Variants in CDH17 observed in about 807,000 individuals in gnomAD.
CDH17 encodes cadherin 17.
Under a neutral mutation model 86.3 loss-of-function variants are expected in CDH17, and 67 were observed. The observed-to-expected ratio is 0.78, with a 90% CI of 0.64 to 0.95. The LOEUF (loss-of-function observed/expected upper bound fraction) is 0.95. Among genes scored for constraint, CDH17 ranks in the 40% least tolerant of loss-of-function variants. The pLI is 0.00. For missense variants in CDH17, 993 were observed against 1,017.6 expected (o/e 0.98, Z 0.33); for synonymous variants, 367 against 366.4 (o/e 1.00, Z -0.02).
At chr8:94,131,941 C>G (rs1812429561) in intron 15 of CDH17, among the ~76,000 whole-genome samples, 1 of 151,988 alleles carries the variant, frequency 6.6e-6, no homozygotes, top group South Asian at 2.1e-4. Context: ...GGTGTTATGT[C>G]CTTGTGATAG....
intron 13 of CDH17, among the ~76,000 whole-genome samples, chr8:94,149,093 A>C (rs1812809912): frequency 6.6e-6 from 1 of 152,160 alleles, no homozygotes; most frequent in Non-Finnish European, 1.5e-5. Context: ...CTTTATTTGC[A>C]TTTCATCTGT....
At chr8:94,195,461 C>T (rs1446843990) in intron 1 of CDH17, among the ~76,000 whole-genome samples, 1 of 152,180 alleles carries the variant, frequency 6.6e-6, no homozygotes, top group African/African-American at 2.4e-5. Context: ...CCAGCTGCCT[C>T]TTTGATCTTC....
At position 94,148,731 on chromosome 8, in the gene CDH17, T is replaced by TGC; in HGVS notation, c.1927+12_1927+13insGC. On this transcript the variant is annotated intron_variant, in intron 14 of 17. Coordinates refer to ENST00000027335, the MANE Select transcript of CDH17 (RefSeq NM_004063.4). Reference sequence around the variant, plus strand: ...TGTTCCTTTTTTTTTGTTTTTTTTTTTTTTTTGCTTACCTACTTCTGTGGC... The same window carrying TGC: ...TGTTCCTTTTTTTTTGTTTTTTTTTTGCTTTTTTGCTTACCTACTTCTGTGGC... 6.9e-7 allele frequency: 1 copy of TGC among 1,440,456 alleles called. No individual in the cohort carries two copies. The highest frequency in any genetic ancestry group is 9.1e-7 in the Non-Finnish European group (1 of 1,104,938). 89.2% of individuals were successfully genotyped at this position (1,440,456 alleles called of 1,614,324 possible). A position where few individuals can be genotyped will look rare whatever the true frequency, so the allele number is the denominator to read the frequency against.
At chr8:94,160,195 AG>A in intron 11 of CDH17, 33 bp from the exon 12 acceptor site, 1 of 1,536,464 alleles carries the variant, frequency 6.5e-7, no homozygotes, top group South Asian at 1.2e-5. Context: ...AACAATGAGA[AG>A]GTCTGCTGTC....
intron 1 of CDH17, chr8:94,202,858 G>A (rs373251212): frequency 6.0e-5 from 13 of 215,952 alleles, no homozygotes; most frequent in East Asian, 2.6e-4. Context: ...ACCTCCTCTC[G>A]TACATGGCCT....
chr8:94,207,316 C>G (rs1308587252), intron 1 of CDH17, among the ~76,000 whole-genome samples: 2 of 152,126 alleles, frequency 1.3e-5, no homozygotes, highest in Admixed American at 6.5e-5. Flanking sequence ...GAACAGAGCG[C>G]TAACATTCAC....
intron 15 of CDH17, among the ~76,000 whole-genome samples, chr8:94,143,993 A>C (rs1424992886): frequency 6.6e-6 from 1 of 152,226 alleles, no homozygotes. Flanking sequence ...TAAGCATTTC[A>C]TGCAAGAGGC....
chr8:94,214,075 C>T (rs745412659), intron 1 of CDH17, among the ~76,000 whole-genome samples: 4 of 152,186 alleles, frequency 2.6e-5, no homozygotes, highest in South Asian at 2.1e-4. Flanking sequence ...TCCACAACTT[C>T]GCCAAGGTGT....
At chr8:94,168,257 G>T (rs55750907) in intron 9 of CDH17, among the ~76,000 whole-genome samples, 53,870 of 143,538 alleles carry the variant, frequency 0.38, 10,865 homozygotes, top group South Asian at 0.49. Flanking sequence ...TCTCAAGTAG[G>T]TGAGATTACA....
intron 1 of CDH17, among the ~76,000 whole-genome samples, chr8:94,201,710 T>C (rs777535425): frequency 2.0e-5 from 3 of 152,300 alleles, no homozygotes; most frequent in Non-Finnish European, 2.9e-5. Context: ...CATGGAACTT[T>C]TGTTTAGCCT....
chr8:94,207,864 G>A (rs560818546), intron 1 of CDH17, among the ~76,000 whole-genome samples: 1 of 152,278 alleles, frequency 6.6e-6, no homozygotes, highest in East Asian at 1.9e-4. Context: ...CCACCACCAA[G>A]GCCAAAAGCA....
intron 3 of CDH17, among the ~76,000 whole-genome samples, chr8:94,186,102 T>C (rs1249843595): frequency 6.6e-6 from 1 of 152,172 alleles, no homozygotes; most frequent in African/African-American, 2.4e-5. Context: ...AAGCACTCTA[T>C]TGGCACCTAT....
At chr8:94,181,330 G>T (rs1478869259) in intron 3 of CDH17, among the ~76,000 whole-genome samples, 2 of 152,062 alleles carry the variant, frequency 1.3e-5, no homozygotes, top group Non-Finnish European at 2.9e-5. Flanking sequence ...CCAATTAGAA[G>T]CTAACAAACA....
chr8:94,130,985 A>T lies in CDH17; in HGVS notation c.2175T>A (p.His725Gln). The change falls in exon 16 of 18, where the codon CAT (histidine) becomes CAA (glutamine). Residue 725 changes from histidine to glutamine, a missense_variant. Coordinates refer to ENST00000027335, the MANE Select transcript of CDH17 (RefSeq NM_004063.4). ...CTGTGTGCCTGGTAGACAGTCGGGCATGAGTACCTGCCAGGACAGGAAAAA... is the reference window on the plus strand; with the variant it reads ...CTGTGTGCCTGGTAGACAGTCGGGCTTGAGTACCTGCCAGGACAGGAAAAA... ...DWEVSKINGT[H>Q]ARLSTRHTEF... is the part of the protein sequence containing the mutation. 1 of 1,529,294 alleles carries T rather than the reference A, an allele frequency of 6.5e-7. No individual in the cohort carries two copies. The highest frequency in any genetic ancestry group is 1.1e-5 in the South Asian group (1 of 89,394). 94.7% of individuals were successfully genotyped at this position (1,529,294 alleles called of 1,614,324 possible).
Position 94,131,005 on chromosome 8 carries a change from G to GAA in CDH17, c.2168-15_2168-14dup, listed in dbSNP as rs113977006. On this transcript the variant is annotated splice_polypyrimidine_tract_variant and intron_variant, in intron 15 of 17. Coordinates refer to ENST00000027335, the MANE Select transcript of CDH17 (RefSeq NM_004063.4). Reference sequence around the variant, plus strand: ...CGGGCATGAGTACCTGCCAGGACAGGAAAAAAAAATGAAAATACAACTTCA... The same window carrying GAA: ...CGGGCATGAGTACCTGCCAGGACAGGAAAAAAAAAAATGAAAATACAACTTCA... 3.8e-6 allele frequency: 5 copies of GAA among 1,333,194 alleles called. No homozygotes were observed. The highest frequency in any genetic ancestry group is 3.0e-5 in the African/African-American group (2 of 67,650). 82.6% of individuals were successfully genotyped at this position (1,333,194 alleles called of 1,614,324 possible).
chr8:94,209,061 C>T (rs1814081797), upstream of CDH17, among the ~76,000 whole-genome samples: 1 of 152,170 alleles, frequency 6.6e-6, no homozygotes, highest in Non-Finnish European at 1.5e-5. Context: ...CACAATATGG[C>T]TGTGCCTGCT....
At chr8:94,212,233 G>A (rs1186871908), upstream of CDH17, among the ~76,000 whole-genome samples, 5 of 152,106 alleles carry the variant, frequency 3.3e-5, no homozygotes, top group Non-Finnish European at 5.9e-5. Context: ...TCGGCTCACC[G>A]CAGCCTTGGC....
At chr8:94,168,440 G>C (rs1813208793) in intron 9 of CDH17, among the ~76,000 whole-genome samples, 1 of 151,304 alleles carries the variant, frequency 6.6e-6, no homozygotes, top group Non-Finnish European at 1.5e-5. Flanking sequence ...ACTGCACCTG[G>C]CCTAATTCAG....
intron 15 of CDH17, among the ~76,000 whole-genome samples, chr8:94,138,402 G>T (rs1400698021): frequency 1.3e-5 from 2 of 152,184 alleles, no homozygotes; most frequent in Non-Finnish European, 2.9e-5. Context: ...TTTTATAATT[G>T]CCTCAGCTTA....
Sources: allele counts gnomAD v4.1 joint callset (sites outside exome capture counted in the v4.1 genomes callset), GRCh38; gene constraint gnomAD v4.1.1; transcripts MANE v1.5; gene names NCBI Gene and HGNC (gene_info 2026-07-23, HGNC 2026-07-21).